Variants in ARHGAP39 observed in about 807,000 individuals in gnomAD.
ARHGAP39 encodes rho GTPase-activating protein 39.
A neutral mutation model predicts 106.9 loss-of-function variants in ARHGAP39; 44 were observed. The observed-to-expected ratio is 0.41, with a 90% CI of 0.32 to 0.53. The LOEUF (loss-of-function observed/expected upper bound fraction) is 0.53, where lower values mean the gene tolerates loss of function less well. ARHGAP39 is among the 20% of genes least tolerant of loss of function. ARHGAP39 has a pLI of 0.21. For missense variants in ARHGAP39, 1,496 were observed against 1,577.3 expected, an observed-to-expected ratio of 0.95 and a Z score of 0.87; for synonymous variants, 768 against 693.2, an observed-to-expected ratio of 1.11 and a Z score of -1.69.
intron 11 of ARHGAP39, 37 bp downstream of exon 11, chr8:144,530,659 GCGGGGA>G: frequency 6.6e-7 from 1 of 1,515,266 alleles, no homozygotes; most frequent in South Asian, 1.2e-5. Flanking sequence ...CGGGGGCGGG[GCGGGGA>G]GGGGAAAGCA....
intron 1 of ARHGAP39, among the ~76,000 whole-genome samples, chr8:144,678,506 G>A (rs561101812): frequency 2.0e-5 from 3 of 152,158 alleles, no homozygotes; most frequent in Admixed American, 6.5e-5. Context: ...TTGGAAGGAG[G>A]GACGCCAAGA....
At chr8:144,544,183 G>A (rs1817307903) in intron 6 of ARHGAP39, among the ~76,000 whole-genome samples, 1 of 152,228 alleles carries the variant, frequency 6.6e-6, no homozygotes, top group South Asian at 2.1e-4. Context: ...AAAGTCGGGT[G>A]AAACTGCATG....
rs1821421218 is a variant in ARHGAP39, at chr8:144,645,583, T to A, written c.-81-39888A>T. On this transcript the variant is annotated intron_variant, in intron 1 of 11. Transcript: ENST00000377307. The surrounding 1 kb of genome is among the most constrained non-coding windows in gnomAD (Gnocchi z 4.4). ...TGAGGGCAGGGCCTCCCTGCCTCAC[T>A]CTGGTCTCTCCCGGCACAGAGTCCC... Among the ~76,000 whole-genome samples, 1 of 152,232 alleles carries A rather than the reference T, an allele frequency of 6.6e-6. No individual in the cohort carries two copies. Among genetic ancestry groups the A allele is most frequent in the Non-Finnish European group, 1.5e-5 (1 of 68,046 alleles).
chr8:144,566,084 ACC>A (rs1818385156), intron 3 of ARHGAP39, among the ~76,000 whole-genome samples: 1 of 150,764 alleles, frequency 6.6e-6, no homozygotes, highest in African/African-American at 2.5e-5. Flanking sequence ...ACAGAGCGAG[ACC>A]CTGTCTCAAC....
chr8:144,686,930 A>AGCACTTCCCACCCCGTGACCACG (rs1822608663), upstream of ARHGAP39, among the ~76,000 whole-genome samples: 1 of 57,068 alleles, frequency 1.8e-5, no homozygotes, highest in African/African-American at 7.3e-5. Context: ...ACTGGCGGCG[A>AGCACTTCCCACCCCGTGACCACG]CCATTTCCCA....
rs1586892265 is a variant in ARHGAP39, at chr8:144,548,582, G to A, written c.597-93C>T. 4.8e-6 allele frequency: 7 copies of A among 1,470,066 alleles called. No homozygotes were observed. In the East Asian group the frequency reaches 7.3e-5, roughly 15 times the overall value. 91.1% of individuals were successfully genotyped at this position (1,470,066 alleles called of 1,614,324 possible). On this transcript the variant is annotated intron_variant, in intron 4 of 11. Coordinates refer to ENST00000377307, the MANE Select transcript of ARHGAP39 (RefSeq NM_025251.3). This position sits in a 1 kb window ranked among gnomAD's most constrained non-coding sequence, Gnocchi z 7.4. The stretch of plus-strand genomic sequence containing the variant: ...GGGGGCTGTAGGCAGCGGCTCCCGC[G>A]AACCCTCTGTTGTACACCTTCCTCG...
At chr8:144,619,332 C>T (rs917058385) in intron 1 of ARHGAP39, among the ~76,000 whole-genome samples, 10 of 152,256 alleles carry the variant, frequency 6.6e-5, no homozygotes, top group Admixed American at 2.0e-4. Flanking sequence ...TCCCCATCCC[C>T]GCTCCAGGGC....
rs772398494 is a variant in ARHGAP39 at position 144,547,727 on chromosome 8, T to C, written c.1359A>G (p.Gly453=). ...GCGGCTGGCTGTGCCGCAGCTCAGG[T>C]CCCTCCATGGTGCTGTAGTCTCCGG... is the stretch of plus-strand genomic sequence containing the variant. ...VKSGDYSTME[G]PELRHSQPPT... Residue 453 remains glycine (G), a synonymous_variant, in exon 5 of 12, where the codon GGA becomes GGG. Transcript: ENST00000377307. The surrounding 1 kb of genome is among the most constrained non-coding windows in gnomAD (Gnocchi z 5.2). The C allele has an allele frequency of 6.3e-7, 1 of 1,595,324 alleles. No homozygotes were observed. The highest frequency in any genetic ancestry group is 8.5e-7 in the Non-Finnish European group (1 of 1,176,604).
At chr8:144,553,345 G>T (rs1304776007) in intron 4 of ARHGAP39, among the ~76,000 whole-genome samples, 3 of 152,170 alleles carry the variant, frequency 2.0e-5, no homozygotes, top group Non-Finnish European at 2.9e-5. Context: ...ATTCAGCTGG[G>T]TGCCTGCTCT....
intron 2 of ARHGAP39, among the ~76,000 whole-genome samples, chr8:144,597,219 G>A (rs923375930): frequency 7.9e-5 from 12 of 152,300 alleles, no homozygotes; most frequent in Non-Finnish European, 1.0e-4. Context: ...CAGGAGATGC[G>A]TTTGCTCTGT....
intron 1 of ARHGAP39, among the ~76,000 whole-genome samples, chr8:144,632,658 C>T (rs1473995076): frequency 6.6e-6 from 1 of 152,232 alleles, no homozygotes; most frequent in African/African-American, 2.4e-5. Context: ...GCCAAACACA[C>T]TCTCCAAAGC....
At chr8:144,692,098 C>T in the ARHGAP39 span, among the ~76,000 whole-genome samples, 10 of 152,148 alleles carry the variant, frequency 6.6e-5, no homozygotes, top group East Asian at 1.9e-3. Flanking sequence ...TGACAAAGGG[C>T]CTGGAAAGGG....
At chr8:144,624,392 C>T (rs2954336) in intron 1 of ARHGAP39, among the ~76,000 whole-genome samples, 148,197 of 152,360 alleles carry the variant, frequency 0.97, 72,272 homozygotes, top group Non-Finnish European at 1. Context: ...CACAACTCAC[C>T]GGGCCTGAGA....
intron 1 of ARHGAP39, among the ~76,000 whole-genome samples, chr8:144,632,119 CT>C (rs1821076750): frequency 6.6e-6 from 1 of 152,222 alleles, no homozygotes; most frequent in Non-Finnish European, 1.5e-5. Context: ...ATTCTGCTTT[CT>C]TTTTTCCATG....
At chr8:144,695,505 A>C in the ARHGAP39 span, among the ~76,000 whole-genome samples, 1 of 152,044 alleles carries the variant, frequency 6.6e-6, no homozygotes, top group African/African-American at 2.4e-5. Flanking sequence ...AGAGCCAGAC[A>C]CTGCATGTAC....
chr8:144,663,517 C>T (rs549912908), intron 1 of ARHGAP39, among the ~76,000 whole-genome samples: 404 of 152,304 alleles, frequency 2.7e-3, no homozygotes, highest in African/African-American at 9.3e-3. Flanking sequence ...GGCCCCACCT[C>T]CAACACTGGG....
intron 1 of ARHGAP39, among the ~76,000 whole-genome samples, chr8:144,616,749 G>A (rs114002008): frequency 0.021 from 3,177 of 152,348 alleles, 101 homozygotes; most frequent in African/African-American, 0.073. Context: ...CACGAAGGAC[G>A]GCGAGTGCCA....
intron 10 of ARHGAP39, among the ~76,000 whole-genome samples, chr8:144,531,250 C>T (rs796892698): frequency 4.6e-4 from 30 of 64,826 alleles, no homozygotes; most frequent in African/African-American, 1.7e-3. Context: ...CACAGGGCAG[C>T]GAGCAGCAGG....
chr8:144,541,697 CTT>C (rs1172009110), intron 6 of ARHGAP39, among the ~76,000 whole-genome samples: 4 of 152,178 alleles, frequency 2.6e-5, no homozygotes, highest in African/African-American at 7.2e-5. Context: ...CATTTCCTTC[CTT>C]TTTAAGGCTG....
Sources: gnomAD v4.1 joint callset for allele counts (sites outside exome capture counted in the v4.1 genomes callset) on GRCh38, gnomAD v4.1.1 for gene constraint, Gnocchi (gnomAD v3.1) non-coding constraint, MANE v1.5 for transcripts, NCBI Gene and HGNC (gene_info 2026-07-23, HGNC 2026-07-21) for gene names.